The following FAM228B variants were observed in gnomAD, a reference collection of about 807,000 sequenced individuals.
FAM228B encodes family with sequence similarity 228 member B, also known as protein FAM228B.
Under a neutral mutation model 42.6 loss-of-function variants are expected in FAM228B, and 38 were observed. The ratio of observed to expected loss-of-function variants is 0.89; its 90% CI spans 0.69 to 1.17. The LOEUF is 1.17. Among genes scored for constraint, FAM228B ranks in the 50% most tolerant of loss-of-function variants. The pLI is 0.00. For synonymous variants in FAM228B, 109 were observed against 122.3 expected (o/e 0.89, Z 0.72); for missense variants, 344 against 367.3 (o/e 0.94, Z 0.52).
At chr2:24,099,082 G>A (rs979322861) in intron 3 of FAM228B, among the ~76,000 whole-genome samples, 2 of 152,094 alleles carry the variant, frequency 1.3e-5, no homozygotes, top group African/African-American at 4.8e-5. Flanking sequence ...AAATTCAACA[G>A]TGCTTCATGC....
chr2:24,154,688 T>G (rs1486120755), intron 7 of FAM228B, among the ~76,000 whole-genome samples: 1 of 152,248 alleles, frequency 6.6e-6, no homozygotes, highest in Non-Finnish European at 1.5e-5. Context: ...AAGCAGGTTT[T>G]GTGTCCTGCC....
chr2:24,127,568 T>G (rs1666346764), intron 2 of FAM228B, among the ~76,000 whole-genome samples: 2 of 152,232 alleles, frequency 1.3e-5, no homozygotes, highest in Non-Finnish European at 2.9e-5. Context: ...CATAGCAATG[T>G]ATGAAAGTTA....
At chr2:24,112,818 G>A (rs778218987) in intron 3 of FAM228B, among the ~76,000 whole-genome samples, 3 of 151,940 alleles carry the variant, frequency 2.0e-5, no homozygotes, top group Non-Finnish European at 4.4e-5. Context: ...TGTCTCCCAC[G>A]TACTGCTTTC....
At chr2:24,123,604 G>C (rs1298690394) in intron 1 of FAM228B, 71 bp downstream of exon 1, 1 of 152,034 alleles carries the variant, frequency 6.6e-6, no homozygotes, top group Non-Finnish European at 1.5e-5. Flanking sequence ...GACGGCTCCG[G>C]GGTCGTCGGG....
intron 3 of FAM228B, among the ~76,000 whole-genome samples, chr2:24,109,993 C>T (rs951651646): frequency 1.3e-5 from 2 of 152,212 alleles, no homozygotes; most frequent in Admixed American, 6.5e-5. Context: ...CATATGTCCA[C>T]TGCAGCCTAT....
At chr2:24,154,796 T>G (rs1667097750) in intron 7 of FAM228B, among the ~76,000 whole-genome samples, 1 of 152,170 alleles carries the variant, frequency 6.6e-6, no homozygotes, top group Non-Finnish European at 1.5e-5. Context: ...TTATCTGGCC[T>G]TTTTTTGCCC....
Position 24,124,313 on chromosome 2 carries a change from A to T in FAM228B, c.-32-17A>T. 8.0e-7 allele frequency: 1 copy of T among 1,256,834 alleles called. No homozygotes were observed. The allele number at this position is 1,256,834 out of a possible 1,614,324, so 77.9% of individuals were successfully genotyped here. On this transcript the variant is annotated splice_polypyrimidine_tract_variant and intron_variant, in intron 1 of 10. Coordinates refer to ENST00000615575, the MANE Select transcript of FAM228B (RefSeq NM_001145710.2). ...GATGACTGTGAAATGTTCAATACTA[A>T]ATAAGATGATTTTTAGTTTTTCCAG... is the stretch of plus-strand genomic sequence containing the variant.
upstream of FAM228B, chr2:24,121,215 C>G: frequency 3.7e-6 from 6 of 1,614,180 alleles, no homozygotes; most frequent in Middle Eastern, 1.6e-4. Context: ...GTAATCTTTT[C>G]CCTTGAAATA....
chr2:24,089,409 T>C (rs996040859), intron 2 of FAM228B, among the ~76,000 whole-genome samples: 2 of 152,092 alleles, frequency 1.3e-5, no homozygotes, highest in African/African-American at 4.8e-5. Context: ...CAGCAACAAG[T>C]AGTAAAATCT....
intron 3 of FAM228B, among the ~76,000 whole-genome samples, chr2:24,100,354 T>G (rs2150995703): frequency 6.6e-6 from 1 of 152,216 alleles, no homozygotes; most frequent in Non-Finnish European, 1.5e-5. Flanking sequence ...GGAGAAAATT[T>G]TTGCAATCTG....
intron 7 of FAM228B, among the ~76,000 whole-genome samples, chr2:24,160,408 C>T (rs921952834): frequency 6.6e-6 from 1 of 151,998 alleles, no homozygotes; most frequent in East Asian, 1.9e-4. Context: ...TTAAATATTG[C>T]TTTTTCTTCA....
chr2:24,146,986 A>G lies in FAM228B; in HGVS notation c.586A>G (p.Arg196Gly). ...AGTTGAGAAGGTTCAGCTGCATTCC[A>G]GATTCCCACAAATTTCTAATTCAAG... ...KEVEKVQLHS[R>G]FPQISNSRHF... The change falls in exon 7 of 11, where the codon AGA becomes GGA. Residue 196 changes from arginine to glycine, a missense_variant. Coordinates refer to ENST00000615575, the MANE Select transcript of FAM228B (RefSeq NM_001145710.2). 2 of 1,551,458 alleles carry G rather than the reference A, an allele frequency of 1.3e-6. No individual in the cohort carries two copies. Among genetic ancestry groups the G allele is most frequent in the Middle Eastern group, 1.7e-4 (1 of 5,990 alleles).
In FAM228B at chr2:24,124,393, C is replaced by T. The variant is rs1220450288; in HGVS notation, c.32C>T (p.Thr11Ile). The T allele has an allele frequency of 1.9e-6, 3 of 1,551,768 alleles. No homozygotes were observed. Among genetic ancestry groups the T allele is most frequent in the African/African-American group, 1.4e-5 (1 of 73,126 alleles). The change falls in exon 2 of 11, where the codon ACT becomes ATT. Residue 11 changes from threonine to isoleucine, a missense_variant. Transcript: ENST00000615575. MKNVDSDDLV[T>I]GTLPKLKSSK... Reference sequence around the variant, plus strand: ...AATGTAGACAGTGATGATCTGGTAACTGGCACACTTCCCAAGCTCAAGAGC... The same window carrying T: ...AATGTAGACAGTGATGATCTGGTAATTGGCACACTTCCCAAGCTCAAGAGC...
chr2:24,118,811 T>C (rs777570470), upstream of FAM228B, among the ~76,000 whole-genome samples: 9 of 152,224 alleles, frequency 5.9e-5, no homozygotes, highest in Admixed American at 6.5e-5. Context: ...ACATGGTAAG[T>C]ACCTCTGAAT....
At position 24,077,499 on chromosome 2, in the gene FAM228B, G is replaced by T; in HGVS notation, c.-290+530G>T. 6.9e-7 allele frequency: 1 copy of T among 1,451,206 alleles called. No homozygotes were observed. Among genetic ancestry groups the T allele is most frequent in the Non-Finnish European group, 9.2e-7 (1 of 1,085,980 alleles). The allele number at this position is 1,451,206 out of a possible 1,614,324, so 89.9% of individuals were successfully genotyped here. On this transcript the variant is annotated intron_variant, in intron 1 of 10. Transcript: ENST00000613899. The surrounding 1 kb of genome is among the most constrained non-coding windows in gnomAD (Gnocchi z 5.5). ...CTCTGGAGGAAGCACCGGGTTTCTT[G>T]GCCTGTCTATTGTGAATCTTCTCCA...
At chr2:24,157,836 C>T (rs1479634413) in intron 7 of FAM228B, among the ~76,000 whole-genome samples, 1 of 152,090 alleles carries the variant, frequency 6.6e-6, no homozygotes, top group African/African-American at 2.4e-5. Flanking sequence ...TCAAGATCCT[C>T]AGATGATTCG....
chr2:24,115,651 A>C, intron 3 of FAM228B: 2 of 1,592,714 alleles, frequency 1.3e-6, no homozygotes, highest in Non-Finnish European at 1.7e-6. Flanking sequence ...TATGAGCTGC[A>C]AATTATCACT....
At chr2:24,163,519 G>C (rs929666785) in intron 8 of FAM228B, among the ~76,000 whole-genome samples, 1 of 152,166 alleles carries the variant, frequency 6.6e-6, no homozygotes, top group Admixed American at 6.5e-5. Context: ...AAGACAAAAT[G>C]ATTGATTGAA....
chr2:24,077,473 G>T lies in FAM228B; in HGVS notation c.-290+504G>T, dbSNP rs1664799601. 7.5e-7 allele frequency: 1 copy of T among 1,331,284 alleles called. No individual in the cohort carries two copies. The highest frequency in any genetic ancestry group is 1.0e-6 in the Non-Finnish European group (1 of 992,544). 82.5% of individuals were successfully genotyped at this position (1,331,284 alleles called of 1,614,324 possible). A position where few individuals can be genotyped will look rare whatever the true frequency, so the allele number is the denominator to read the frequency against. ...TATTTCCTCATATCAGCTTTAAACG[G>T]CTCTGGAGGAAGCACCGGGTTTCTT... On this transcript the variant is annotated intron_variant, in intron 1 of 10. Transcript: ENST00000613899. The surrounding 1 kb of genome is among the most constrained non-coding windows in gnomAD (Gnocchi z 5.5).
Sources: gnomAD v4.1 joint callset for allele counts (sites outside exome capture counted in the v4.1 genomes callset) on GRCh38, gnomAD v4.1.1 for gene constraint, Gnocchi (gnomAD v3.1) non-coding constraint, MANE v1.5 for transcripts, NCBI Gene and HGNC (gene_info 2026-07-23, HGNC 2026-07-21) for gene names.